The following SOX6 variants were observed in gnomAD, a reference collection of about 807,000 sequenced individuals.
The protein encoded by SOX6 is transcription factor SOX-6.
A neutral mutation model predicts 97.8 loss-of-function variants in SOX6; 11 were observed. That is an observed-to-expected ratio of 0.11 (90% CI 0.07 to 0.19). The LOEUF (loss-of-function observed/expected upper bound fraction) is 0.19. Among genes scored for constraint, SOX6 ranks in the 10% least tolerant of loss-of-function variants. The pLI is 1.00. For synonymous variants in SOX6, 360 were observed against 371.4 expected (o/e 0.97, Z 0.35); for missense variants, 810 against 1,039.5 (o/e 0.78, Z 3.04).
chr11:16,177,354 G>A (rs1013965094), intron 6 of SOX6, among the ~76,000 whole-genome samples: 1 of 151,704 alleles, frequency 6.6e-6, no homozygotes, highest in Non-Finnish European at 1.5e-5. Context: ...CTCTTTCAAG[G>A]GTTCCCCAAA....
intron 13 of SOX6, among the ~76,000 whole-genome samples, 155 bp downstream of exon 13, chr11:16,014,787 C>A (rs1323478635): frequency 6.6e-6 from 1 of 152,026 alleles, no homozygotes; most frequent in Non-Finnish European, 1.5e-5. Context: ...ACATAACTTA[C>A]ATACATACGT....
chr11:16,649,362 G>A (rs1477410210), intron 3 of SOX6, among the ~76,000 whole-genome samples: 6 of 152,136 alleles, frequency 3.9e-5, no homozygotes, highest in Non-Finnish European at 7.4e-5. Flanking sequence ...CTTAAGAGCT[G>A]TCAGACAAAA....
intron 4 of SOX6, among the ~76,000 whole-genome samples, chr11:16,525,931 G>A (rs1341938297): frequency 6.6e-6 from 1 of 152,186 alleles, no homozygotes; most frequent in South Asian, 2.1e-4. Context: ...AAACCACAAT[G>A]AGATACCATC....
At chr11:16,073,776 T>A (rs1411747830) in intron 9 of SOX6, among the ~76,000 whole-genome samples, 1 of 152,082 alleles carries the variant, frequency 6.6e-6, no homozygotes, top group Non-Finnish European at 1.5e-5. Flanking sequence ...TAGAAATCAT[T>A]ACTAGGAAAA....
chr11:16,137,774 T>A (rs751223668), intron 6 of SOX6, among the ~76,000 whole-genome samples: 2 of 152,154 alleles, frequency 1.3e-5, no homozygotes, highest in Non-Finnish European at 1.5e-5. Context: ...CAGGTGGAGA[T>A]AATTGAATGC....
chr11:16,091,143 C>T (rs903897746), intron 9 of SOX6, among the ~76,000 whole-genome samples: 1 of 151,914 alleles, frequency 6.6e-6, no homozygotes, highest in Non-Finnish European at 1.5e-5. Context: ...TGTAATGGTC[C>T]TCCCAAATTC....
At chr11:16,499,477 A>C (rs1437386262) in intron 4 of SOX6, among the ~76,000 whole-genome samples, 1 of 152,228 alleles carries the variant, frequency 6.6e-6, no homozygotes, top group Non-Finnish European at 1.5e-5. Flanking sequence ...ACTGAAAGAG[A>C]TTGAGACACC....
At chr11:16,049,236 GC>G (rs1221570467) in intron 11 of SOX6, among the ~76,000 whole-genome samples, 1 of 151,998 alleles carries the variant, frequency 6.6e-6, no homozygotes, top group Non-Finnish European at 1.5e-5. Flanking sequence ...GAGATACTTG[GC>G]CATATATGGG....
intron 4 of SOX6, among the ~76,000 whole-genome samples, chr11:16,578,725 G>C (rs1003320824): frequency 6.6e-6 from 1 of 152,092 alleles, no homozygotes; most frequent in African/African-American, 2.4e-5. Context: ...AGAAAGAGGA[G>C]TGCAGAGAAA....
At chr11:16,588,841 C>T (rs1433480243) in intron 4 of SOX6, among the ~76,000 whole-genome samples, 3 of 151,926 alleles carry the variant, frequency 2.0e-5, no homozygotes, top group African/African-American at 7.3e-5. Context: ...CCAGCCTGGG[C>T]GTTGTAGCAA....
intron 3 of SOX6, among the ~76,000 whole-genome samples, chr11:16,685,154 T>C (rs1156898137): frequency 6.6e-6 from 1 of 152,126 alleles, no homozygotes; most frequent in Non-Finnish European, 1.5e-5. Context: ...ATTCAAACTA[T>C]ATCATTCCAT....
intron 1 of SOX6, among the ~76,000 whole-genome samples, chr11:16,398,144 C>G (rs1438787664): frequency 3.3e-5 from 5 of 151,546 alleles, no homozygotes; most frequent in African/African-American, 1.2e-4. Context: ...CAAGTCCTAA[C>G]CACCCAAGTG....
chr11:16,621,981 C>A (rs1848550558), intron 3 of SOX6, among the ~76,000 whole-genome samples: 1 of 152,158 alleles, frequency 6.6e-6, no homozygotes, highest in Admixed American at 6.5e-5. Context: ...TACTTATTTT[C>A]ACTTATTTGT....
At chr11:16,509,564 G>T (rs1474017506) in intron 4 of SOX6, among the ~76,000 whole-genome samples, 2 of 151,808 alleles carry the variant, frequency 1.3e-5, no homozygotes, top group East Asian at 1.9e-4. Flanking sequence ...AAAGATGAAA[G>T]GTATTTTAGT....
chr11:16,531,790 G>A lies in SOX6; in HGVS notation n.610-55402C>T, dbSNP rs145490231. ...TCTTTTTCTTGATTTCTTTTGATCC[G>A]TATTTCTTTCTGAATATACAATAAC... On this transcript the variant is annotated intron_variant and non_coding_transcript_variant, in intron 4 of 5. Coordinates refer to the SOX6 transcript ENST00000524520. 3.9e-3 allele frequency among the ~76,000 whole-genome samples: 596 copies of A among 151,812 alleles called. 3 individuals carry two copies. Among genetic ancestry groups the A allele is most frequent in the African/African-American group, 0.014 (574 of 41,486 alleles).
rs141810849 is a variant in SOX6 at position 16,522,573 on chromosome 11, T to G, written n.610-46185A>C. 3.6e-3 allele frequency among the ~76,000 whole-genome samples: 548 copies of G among 151,332 alleles called. 4 individuals are homozygous for G. The highest frequency in any genetic ancestry group is 5.9e-3 in the Non-Finnish European group (401 of 67,724). On this transcript the variant is annotated intron_variant and non_coding_transcript_variant, in intron 4 of 5. Transcript: ENST00000524520. ...GAGACTAGGAAGAAACTGCATCAAC[T>G]AACGAGCAAAATAACCAGCTAACAT...
chr11:16,483,764 G>A (rs909639412), intron 4 of SOX6, among the ~76,000 whole-genome samples: 1 of 152,226 alleles, frequency 6.6e-6, no homozygotes, highest in African/African-American at 2.4e-5. Context: ...GGTAATCCTT[G>A]TGGGAGGCAC....
At chr11:16,214,397 G>A (rs1852310367) in intron 4 of SOX6, among the ~76,000 whole-genome samples, 1 of 152,080 alleles carries the variant, frequency 6.6e-6, no homozygotes, top group South Asian at 2.1e-4. Flanking sequence ...TTACTACCTA[G>A]TCCTTCTGCA....
chr11:16,616,166 T>C (rs1848468704), intron 3 of SOX6, among the ~76,000 whole-genome samples: 1 of 152,132 alleles, frequency 6.6e-6, no homozygotes, highest in Admixed American at 6.5e-5. Flanking sequence ...GATTACCATA[T>C]CATTCATTAT....
Sources: gnomAD v4.1 joint callset for allele counts (sites outside exome capture counted in the v4.1 genomes callset) on GRCh38, gnomAD v4.1.1 for gene constraint, MANE v1.5 for transcripts, NCBI Gene and HGNC (gene_info 2026-07-23, HGNC 2026-07-21) for gene names.